The following BLTP1 variants were observed in gnomAD, a reference collection of about 807,000 sequenced individuals.
The protein encoded by BLTP1 is bridge-like lipid transfer protein family member 1.
the BLTP1 span, chr4:122,201,211 A>G: frequency 9.5e-7 from 1 of 1,056,080 alleles, no homozygotes; most frequent in Non-Finnish European, 1.4e-6. Context: ...TAAATTACAT[A>G]GGGATATGAT....
At chr4:122,159,538 TTTA>T in the BLTP1 span, among the ~76,000 whole-genome samples, 1 of 152,204 alleles carries the variant, frequency 6.6e-6, no homozygotes, top group Non-Finnish European at 1.5e-5. Context: ...TGCCATGGAC[TTTA>T]TTGTTTTTTA....
chr4:122,174,733 T>C, the BLTP1 span: 1 of 1,074,796 alleles, frequency 9.3e-7, no homozygotes, highest in Non-Finnish European at 1.3e-6. Context: ...GATATTTTAT[T>C]GAATGTGACT....
At chr4:122,186,410 A>G in the BLTP1 span, among the ~76,000 whole-genome samples, 1 of 152,032 alleles carries the variant, frequency 6.6e-6, no homozygotes, top group African/African-American at 2.4e-5. Flanking sequence ...GTAATCTAAA[A>G]AAGTCCCGTT....
the BLTP1 span, among the ~76,000 whole-genome samples, chr4:122,230,505 GT>G: frequency 2.6e-5 from 4 of 152,208 alleles, no homozygotes; most frequent in East Asian, 5.8e-4. Flanking sequence ...CCCAAATAAC[GT>G]TTTGTAAAGT....
chr4:122,325,393 T>C, the BLTP1 span: 2 of 1,483,930 alleles, frequency 1.3e-6, no homozygotes, highest in Non-Finnish European at 1.8e-6. Flanking sequence ...TATGGTATTA[T>C]ACTATTTCAA....
chr4:122,325,177 G>A, the BLTP1 span: 1 of 1,514,904 alleles, frequency 6.6e-7, no homozygotes, highest in South Asian at 1.2e-5. Context: ...ATAAAGTCCA[G>A]GAATTTTTTT....
At chr4:122,200,672 T>C in the BLTP1 span, 1 of 985,186 alleles carries the variant, frequency 1.0e-6, no homozygotes, top group South Asian at 4.7e-5. Flanking sequence ...TCCTTCACAC[T>C]GAGCCTGTCA....
the BLTP1 span, chr4:122,230,212 G>A: frequency 1.9e-6 from 3 of 1,611,068 alleles, no homozygotes; most frequent in Non-Finnish European, 1.7e-6. Flanking sequence ...GAACTAAGAG[G>A]TAGGTGAAAA....
chr4:122,176,598 TATAGTA>T, the BLTP1 span, among the ~76,000 whole-genome samples: 2 of 152,332 alleles, frequency 1.3e-5, no homozygotes, highest in South Asian at 4.1e-4. Context: ...GTATCTTTCA[TATAGTA>T]ATATTTTTAT....
the BLTP1 span, chr4:122,250,132 CT>C: frequency 1.6e-5 from 7 of 449,444 alleles, no homozygotes; most frequent in Admixed American, 6.4e-5. Flanking sequence ...GTGTATAACA[CT>C]TTTTTTAGGT....
chr4:122,355,720 G>T, the BLTP1 span: 2 of 1,430,046 alleles, frequency 1.4e-6, no homozygotes, highest in Non-Finnish European at 9.3e-7. Flanking sequence ...GTATATTATA[G>T]TTGTCTTGAA....
the BLTP1 span, among the ~76,000 whole-genome samples, chr4:122,357,311 C>T: frequency 5.3e-5 from 8 of 151,906 alleles, no homozygotes; most frequent in Non-Finnish European, 1.2e-4. Context: ...GTCTGTAATA[C>T]CAGCACTTTG....
At chr4:122,241,833 A>G in the BLTP1 span, among the ~76,000 whole-genome samples, 2 of 152,144 alleles carry the variant, frequency 1.3e-5, no homozygotes, top group Non-Finnish European at 2.9e-5. Context: ...ACCTGAGAGG[A>G]TAGAATTATT....
At chr4:122,319,090 A>G in the BLTP1 span, among the ~76,000 whole-genome samples, 1 of 151,926 alleles carries the variant, frequency 6.6e-6, no homozygotes, top group Admixed American at 6.6e-5. Context: ...TTTATTGCTG[A>G]TGTTAGTAAT....
At chr4:122,220,597 T>C in the BLTP1 span, 5 of 762,612 alleles carry the variant, frequency 6.6e-6, no homozygotes, top group African/African-American at 9.3e-5. Flanking sequence ...TTAAGTTAAC[T>C]GTATTAAGAA....
the BLTP1 span, chr4:122,258,718 A>G: frequency 1.9e-6 from 3 of 1,613,840 alleles, no homozygotes; most frequent in Admixed American, 1.7e-5. Flanking sequence ...CAGTGAACAC[A>G]CAATGCTATT....
chr4:122,325,630 C>T, the BLTP1 span: 1 of 1,106,174 alleles, frequency 9.0e-7, no homozygotes, highest in Non-Finnish European at 1.2e-6. Context: ...TAAACTACAT[C>T]TTACACAAAT....
the BLTP1 span, chr4:122,276,248 G>A: frequency 2.5e-6 from 1 of 395,186 alleles, no homozygotes. Flanking sequence ...TTGACAAGTT[G>A]TAACACTGTA....
the BLTP1 span, among the ~76,000 whole-genome samples, chr4:122,175,468 A>G: frequency 1.3e-5 from 2 of 152,164 alleles, no homozygotes; most frequent in African/African-American, 4.8e-5. Flanking sequence ...TCTCTCCTGT[A>G]GAACTAGGTA....
Sources: allele counts gnomAD v4.1 joint callset (sites outside exome capture counted in the v4.1 genomes callset), GRCh38; gene constraint gnomAD v4.1.1; transcripts MANE v1.5; gene names NCBI Gene and HGNC (gene_info 2026-07-23, HGNC 2026-07-21).